The following MTA3 variants were observed in gnomAD, a reference collection of about 807,000 sequenced individuals.
MTA3 encodes the protein metastasis-associated protein MTA3.
Under a neutral mutation model 83.5 loss-of-function variants are expected in MTA3, and 34 were observed. That is an observed-to-expected ratio of 0.41 (90% CI 0.31 to 0.54). The LOEUF (loss-of-function observed/expected upper bound fraction) is 0.54. Among genes scored for constraint, MTA3 ranks in the 20% least tolerant of loss-of-function variants. The probability of loss-of-function intolerance (pLI) is 0.33; values close to 1 mark genes in which losing one functional copy is unlikely to be tolerated. For missense variants in MTA3, 761 were observed against 726.4 expected (o/e 1.05, Z -0.55); for synonymous variants, 303 against 252.7 (o/e 1.20, Z -1.89).
chr2:42,729,540 T>C (rs1228755729), intron 16 of MTA3, among the ~76,000 whole-genome samples: 1 of 152,228 alleles, frequency 6.6e-6, no homozygotes, highest in Non-Finnish European at 1.5e-5. Context: ...GAGACTATAT[T>C]TTCTCCAATG....
At chr2:42,549,304 G>C (rs1483133106) in intron 2 of MTA3, among the ~76,000 whole-genome samples, 1 of 104,204 alleles carries the variant, frequency 9.6e-6, no homozygotes, top group African/African-American at 3.8e-5. Context: ...ATATGTACAC[G>C]TATATAATAT....
In MTA3 at chr2:42,753,413, C is replaced by T; in HGVS notation, c.*14C>T. The stretch of plus-strand genomic sequence containing the variant: ...GTGTCAGACTGAGCTTTCCCTGATT[C>T]ATTCTACAATCCAAGACTTGCTGCA... On this transcript the variant is annotated 3_prime_UTR_variant, in exon 17 of 17. Coordinates refer to ENST00000405094, the MANE Select transcript of MTA3 (RefSeq NM_001330442.2). 6.4e-7 allele frequency: 1 copy of T among 1,550,586 alleles called. No individual in the cohort carries two copies. The highest frequency in any genetic ancestry group is 8.7e-7 in the Non-Finnish European group (1 of 1,146,970).
intron 3 of MTA3, among the ~76,000 whole-genome samples, chr2:42,602,338 TAAAG>T (rs1003856677): frequency 3.3e-5 from 5 of 152,202 alleles, no homozygotes; most frequent in African/African-American, 1.2e-4. Flanking sequence ...CTACTGCAAA[TAAAG>T]CTCCTATGAA....
chr2:42,594,928 A>AT (rs1681594116), intron 3 of MTA3, among the ~76,000 whole-genome samples: 1 of 143,102 alleles, frequency 7.0e-6, no homozygotes, highest in Non-Finnish European at 1.5e-5. Flanking sequence ...TCATTTATTT[A>AT]TTTTTTAGTA....
At chr2:42,623,705 T>G (rs1685799504) in intron 4 of MTA3, among the ~76,000 whole-genome samples, 1 of 151,106 alleles carries the variant, frequency 6.6e-6, no homozygotes, top group African/African-American at 2.4e-5. Context: ...AGATTTTTTT[T>G]TTTTTTTTTT....
chr2:42,514,068 C>T (rs536339981), intron 2 of MTA3, among the ~76,000 whole-genome samples: 5 of 152,292 alleles, frequency 3.3e-5, no homozygotes, highest in African/African-American at 1.2e-4. Flanking sequence ...GTAAAATTAG[C>T]TGAGCATGCT....
At chr2:42,516,806 T>G (rs941713794) in intron 2 of MTA3, among the ~76,000 whole-genome samples, 1 of 152,150 alleles carries the variant, frequency 6.6e-6, no homozygotes, top group Admixed American at 6.6e-5. Flanking sequence ...CACTTTACCT[T>G]AGGTCAGGAA....
chr2:42,540,721 C>G (rs12994206), intron 2 of MTA3, among the ~76,000 whole-genome samples: 50,738 of 150,818 alleles, frequency 0.34, 8,613 homozygotes, highest in South Asian at 0.41. Flanking sequence ...TGTAGTCCTA[C>G]CTACTTGGAA....
chr2:42,549,821 A>G (rs1021228433), intron 2 of MTA3, among the ~76,000 whole-genome samples: 1 of 149,386 alleles, frequency 6.7e-6, no homozygotes, highest in East Asian at 1.9e-4. Context: ...TGGGCCACCC[A>G]ACTCCGTCCC....
chr2:42,707,265 A>T (rs933860740), intron 12 of MTA3, among the ~76,000 whole-genome samples: 5 of 149,126 alleles, frequency 3.4e-5, no homozygotes, highest in Non-Finnish European at 5.9e-5. Context: ...TTCTTTTGAG[A>T]TGGAGCCTCA....
At chr2:42,670,938 T>TTG (rs1690736952) in intron 8 of MTA3, among the ~76,000 whole-genome samples, 1 of 152,102 alleles carries the variant, frequency 6.6e-6, no homozygotes, top group Admixed American at 6.5e-5. Flanking sequence ...TCTAGAGACT[T>TTG]TATTCAGATT....
intron 2 of MTA3, among the ~76,000 whole-genome samples, chr2:42,524,648 G>A (rs1341068861): frequency 6.6e-6 from 1 of 151,700 alleles, no homozygotes; most frequent in Non-Finnish European, 1.5e-5. Context: ...TTTGGGGGAA[G>A]TGCAAGACCA....
Position 42,561,273 on chromosome 2 carries a change from C to T in MTA3, c.-140-9164C>T, listed in dbSNP as rs951951227. On this transcript the variant is annotated intron_variant, in intron 2 of 17. Transcript: ENST00000405592. Reference sequence around the variant, plus strand: ...CTTTTTGTTCTCTGATCTTGATTTACTCTCCTTGTAACATTCATCATTCTA... The same window carrying T: ...CTTTTTGTTCTCTGATCTTGATTTATTCTCCTTGTAACATTCATCATTCTA... Among the ~76,000 whole-genome samples, 42 of 152,070 alleles carry T rather than the reference C, an allele frequency of 2.8e-4. 1 individual carries two copies. The highest frequency in any genetic ancestry group is 1.0e-3 in the African/African-American group (42 of 41,504).
chr2:42,690,101 A>G (rs934099964), intron 9 of MTA3, among the ~76,000 whole-genome samples: 2 of 152,130 alleles, frequency 1.3e-5, no homozygotes, highest in African/African-American at 4.8e-5. Context: ...GCAGCATGCT[A>G]TGACCATGCC....
rs146921280 is a variant in MTA3, at chr2:42,745,824, C to CTTTTTTTTTTTTTTTTTTTTTTTTTTTTT, written c.1760-7542_1760-7541insTTTTTTTTTTTTTTTTTTTTTTTTTTTTT. 1.0e-4 allele frequency among the ~76,000 whole-genome samples: 12 copies of CTTTTTTTTTTTTTTTTTTTTTTTTTTTTT among 119,362 alleles called. 1 individual carries two copies. The highest frequency in any genetic ancestry group is 2.9e-4 in the East Asian group (1 of 3,426). 78.3% of individuals were successfully genotyped at this position (119,362 alleles called of 152,430 possible). A position where few individuals can be genotyped will look rare whatever the true frequency, so the allele number is the denominator to read the frequency against. On this transcript the variant is annotated intron_variant, in intron 16 of 16. Coordinates refer to ENST00000405094, the MANE Select transcript of MTA3 (RefSeq NM_001330442.2). Reference sequence around the variant, plus strand: ...TTTTATGTCCTTTTGAAATAGTCCTCTTTTTTTTGAGACAGAGTCTCGCTC... The same window carrying CTTTTTTTTTTTTTTTTTTTTTTTTTTTTT: ...TTTTATGTCCTTTTGAAATAGTCCTCTTTTTTTTTTTTTTTTTTTTTTTTTTTTTTTTTTTTTGAGACAGAGTCTCGCTC...
intron 3 of MTA3, among the ~76,000 whole-genome samples, chr2:42,594,314 G>T (rs1681420442): frequency 7.0e-6 from 1 of 142,154 alleles, no homozygotes; most frequent in Non-Finnish European, 1.5e-5. Flanking sequence ...TGAGCTCATA[G>T]CAACCTCTGC....
intron 16 of MTA3, among the ~76,000 whole-genome samples, chr2:42,748,195 ATGTGTTTGTG>A (rs1249149978): frequency 8.5e-4 from 49 of 57,588 alleles, no homozygotes; most frequent in East Asian, 2.4e-3. Flanking sequence ...CATCCAGCTA[ATGTGTTTGTG>A]TGTGTGTGTG....
chr2:42,570,687 T>C (rs2103829374), intron 2 of MTA3, among the ~76,000 whole-genome samples, 183 bp downstream of exon 2: 1 of 152,010 alleles, frequency 6.6e-6, no homozygotes, highest in East Asian at 1.9e-4. Flanking sequence ...AGTGAGACCC[T>C]ATCTCTTATT....
intron 3 of MTA3, among the ~76,000 whole-genome samples, chr2:42,609,032 A>ATTT (rs11460512): frequency 1.1e-4 from 15 of 136,016 alleles, no homozygotes; most frequent in East Asian, 2.1e-4. Context: ...TAAATGTTTA[A>ATTT]TTTTTTTTTT....
Sources: allele counts gnomAD v4.1 joint callset (sites outside exome capture counted in the v4.1 genomes callset), GRCh38; gene constraint gnomAD v4.1.1; transcripts MANE v1.5; gene names NCBI Gene and HGNC (gene_info 2026-07-23, HGNC 2026-07-21).